LARGE1: variants seen among roughly 807,000 people sequenced by gnomAD.
LARGE1 encodes xylosyl- and glucuronyltransferase LARGE1.
LARGE1 carries 43 observed loss-of-function variants against 87.6 expected under a neutral mutation model. The observed-to-expected ratio is 0.49, with a 90% CI of 0.38 to 0.63. The LOEUF (loss-of-function observed/expected upper bound fraction) is 0.63, where lower values mean the gene tolerates loss of function less well. LARGE1 is among the 30% of genes least tolerant of loss of function. The pLI, the probability that LARGE1 is intolerant of heterozygous loss-of-function variation, is 0.00. For missense variants in LARGE1, 802 were observed against 1,000.2 expected (o/e 0.80, Z 2.67); for synonymous variants, 434 against 394.6 (o/e 1.10, Z -1.18).
the LARGE1 span, among the ~76,000 whole-genome samples, chr22:33,131,965 G>A: frequency 6.6e-6 from 1 of 151,582 alleles, no homozygotes; most frequent in Non-Finnish European, 1.5e-5. Context: ...TGGATGTGCA[G>A]AAAAACTCCC....
chr22:33,792,462 A>C (rs952732395), intron 1 of LARGE1, among the ~76,000 whole-genome samples: 4 of 152,112 alleles, frequency 2.6e-5, no homozygotes, highest in African/African-American at 7.2e-5. Context: ...GAATCAATTA[A>C]ACCTCTTTCC....
At chr22:33,485,420 G>A (rs2148240037) in intron 6 of LARGE1, among the ~76,000 whole-genome samples, 1 of 151,772 alleles carries the variant, frequency 6.6e-6, no homozygotes, top group Non-Finnish European at 1.5e-5. Flanking sequence ...CACCATGTTG[G>A]TCAGGCTGGT....
chr22:33,883,462 G>T (rs747680810), intron 1 of LARGE1, among the ~76,000 whole-genome samples: 1 of 152,150 alleles, frequency 6.6e-6, no homozygotes, highest in African/African-American at 2.4e-5. Context: ...CAGTCTCCCT[G>T]TTTCAGCCTT....
At chr22:33,899,385 C>T (rs1242319544) in intron 1 of LARGE1, among the ~76,000 whole-genome samples, 1 of 152,168 alleles carries the variant, frequency 6.6e-6, no homozygotes, top group Non-Finnish European at 1.5e-5. Context: ...ATAGAGGATT[C>T]CTTCTAACCA....
At chr22:33,723,291 C>T (rs964904614) in intron 2 of LARGE1, among the ~76,000 whole-genome samples, 8 of 152,014 alleles carry the variant, frequency 5.3e-5, no homozygotes, top group African/African-American at 1.9e-4. Context: ...CAGACCAAGC[C>T]CAGATTTAGG....
At chr22:33,182,731 A>G (rs1379823019) in intron 11 of LARGE1, among the ~76,000 whole-genome samples, 1 of 152,232 alleles carries the variant, frequency 6.6e-6, no homozygotes, top group African/African-American at 2.4e-5. Flanking sequence ...AGTTTCTTCA[A>G]TAAACTGTGT....
chr22:33,841,385 G>A (rs1448394323), intron 1 of LARGE1, among the ~76,000 whole-genome samples: 1 of 152,208 alleles, frequency 6.6e-6, no homozygotes, highest in African/African-American at 2.4e-5. Context: ...AATCTACCCT[G>A]TGGCAAGGTT....
chr22:33,071,837 T>C, the LARGE1 span, among the ~76,000 whole-genome samples: 1 of 152,178 alleles, frequency 6.6e-6, no homozygotes, highest in Non-Finnish European at 1.5e-5. Context: ...CAGTCAGAGA[T>C]GAGGTCTCTT....
chr22:33,218,984 C>T (rs1413983715), intron 11 of LARGE1, among the ~76,000 whole-genome samples: 1 of 152,168 alleles, frequency 6.6e-6, no homozygotes, highest in Non-Finnish European at 1.5e-5. Context: ...GTGCCTTTCC[C>T]CACTTCCGCC....
At chr22:33,818,459 G>C (rs934596187) in intron 1 of LARGE1, among the ~76,000 whole-genome samples, 1 of 152,118 alleles carries the variant, frequency 6.6e-6, no homozygotes, top group Admixed American at 6.6e-5. Context: ...GGAGAAAAGA[G>C]GAGGGGAGGA....
the LARGE1 span, among the ~76,000 whole-genome samples, chr22:33,086,254 C>T: frequency 1.2e-4 from 19 of 152,160 alleles, no homozygotes; most frequent in East Asian, 3.3e-3. Context: ...AATTTTATTT[C>T]CCACATCTAA....
At chr22:33,699,469 C>T (rs902251299) in intron 2 of LARGE1, among the ~76,000 whole-genome samples, 23 of 152,204 alleles carry the variant, frequency 1.5e-4, no homozygotes, top group African/African-American at 5.3e-4. Flanking sequence ...CACAGAGCTG[C>T]AAAGTGGGTT....
intron 7 of LARGE1, among the ~76,000 whole-genome samples, chr22:33,419,374 G>C (rs2066612241): frequency 6.6e-6 from 1 of 151,704 alleles, no homozygotes; most frequent in Admixed American, 6.6e-5. Context: ...AAGGTGACAA[G>C]AGCAGAGGGT....
At chr22:33,481,254 C>CA (rs1410516591) in intron 6 of LARGE1, among the ~76,000 whole-genome samples, 11 of 140,396 alleles carry the variant, frequency 7.8e-5, no homozygotes, top group African/African-American at 3.0e-4. Context: ...CGTACACACA[C>CA]ATTTTTTTTT....
chr22:33,299,149 G>A (rs1264014755), intron 12 of LARGE1, among the ~76,000 whole-genome samples: 1 of 151,922 alleles, frequency 6.6e-6, no homozygotes, highest in Non-Finnish European at 1.5e-5. Flanking sequence ...GGAGGTTGAG[G>A]TTGCGGTGAG....
Position 33,553,387 on chromosome 22 carries a change from A to G in LARGE1, c.787+11461T>C, listed in dbSNP as rs1314259369. Reference sequence around the variant, plus strand: ...AAAAAATAGCCAGACGTGGTAGCACATGCCTACAGTCCCAACTACTCTGGA... The same window carrying G: ...AAAAAATAGCCAGACGTGGTAGCACGTGCCTACAGTCCCAACTACTCTGGA... On this transcript the variant is annotated intron_variant, in intron 6 of 14. Coordinates refer to ENST00000397394, the MANE Select transcript of LARGE1 (RefSeq NM_133642.5). Among the ~76,000 whole-genome samples, 2 of 152,088 alleles carry G rather than the reference A, an allele frequency of 1.3e-5. 1 individual carries two copies. The highest frequency in any genetic ancestry group is 3.9e-4 in the East Asian group (2 of 5,172).
At position 33,384,294 on chromosome 22, in the gene LARGE1, C is replaced by G. The variant is rs765799153; in HGVS notation, c.903G>C (p.Leu301=). The G allele has an allele frequency of 1.2e-6, 2 of 1,613,440 alleles. No homozygotes were observed. The highest frequency in any genetic ancestry group is 8.5e-7 in the Non-Finnish European group (1 of 1,179,568). The part of the protein sequence containing the change: ...LGRGYNTGVI[L]LLLDKLRKMK... ...TCTTCCGCAGCTTATCCAGAAGTAA[C>G]AGGATCACCCCTGGGCAACAGCACA... Residue 301 remains leucine (L), a synonymous_variant, in exon 8 of 15, where the codon CTG becomes CTC. Coordinates refer to ENST00000397394, the MANE Select transcript of LARGE1 (RefSeq NM_133642.5).
intron 9 of LARGE1, among the ~76,000 whole-genome samples, chr22:33,346,075 C>G (rs1054060501): frequency 5.3e-5 from 8 of 152,162 alleles, no homozygotes; most frequent in African/African-American, 1.4e-4. Flanking sequence ...CAAACTGCCT[C>G]CCACTTATGA....
intron 5 of LARGE1, among the ~76,000 whole-genome samples, chr22:33,567,498 C>A (rs142924886): frequency 2.6e-5 from 4 of 152,310 alleles, no homozygotes; most frequent in East Asian, 3.9e-4. Flanking sequence ...TAGATTCAGG[C>A]ATGCCTGGAT....
Sources: gnomAD v4.1 joint callset for allele counts (sites outside exome capture counted in the v4.1 genomes callset) on GRCh38, gnomAD v4.1.1 for gene constraint, MANE v1.5 for transcripts, NCBI Gene and HGNC (gene_info 2026-07-23, HGNC 2026-07-21) for gene names.